The following CPLX2 variants were observed in gnomAD, a reference collection of about 807,000 sequenced individuals.
CPLX2 encodes complexin-2.
CPLX2 carries 5 observed loss-of-function variants against 16.3 expected under a neutral mutation model. The observed-to-expected ratio is 0.31, with a 90% CI of 0.16 to 0.64. The LOEUF (loss-of-function observed/expected upper bound fraction) is 0.64. Ranked by LOEUF, CPLX2 falls within the 30% of genes least tolerant of loss-of-function variation. The pLI is 0.79. For synonymous variants in CPLX2, 89 were observed against 73.2 expected (o/e 1.22, Z -1.10); for missense variants, 144 against 181.4 (o/e 0.79, Z 1.18).
At chr5:175,836,781 GC>G (rs889173252) in intron 2 of CPLX2, among the ~76,000 whole-genome samples, 1 of 152,228 alleles carries the variant, frequency 6.6e-6, no homozygotes, top group Non-Finnish European at 1.5e-5. Context: ...CTCAATCCAT[GC>G]CTCCCTTTAC....
rs1759115048 is a variant in CPLX2 at position 175,849,726 on chromosome 5, T to C, written c.-88-28926T>C. Among the ~76,000 whole-genome samples, 1 of 151,972 alleles carries C rather than the reference T, an allele frequency of 6.6e-6. No individual in the cohort carries two copies. Among genetic ancestry groups the C allele is most frequent in the African/African-American group, 2.4e-5 (1 of 41,372 alleles). On this transcript the variant is annotated intron_variant, in intron 2 of 4. Coordinates refer to the CPLX2 transcript ENST00000359546. This position sits in a 1 kb window ranked among gnomAD's most constrained non-coding sequence, Gnocchi z 4.4. ...GACTCACCTGAGCCTCTCGGTGTTA[T>C]AGCTCCCCTGCTGCGTGAGCTCCAA...
intron 2 of CPLX2, among the ~76,000 whole-genome samples, chr5:175,826,496 A>G (rs961788867): frequency 1.1e-4 from 16 of 152,216 alleles, no homozygotes; most frequent in African/African-American, 3.6e-4. Context: ...ATGAGAATCA[A>G]ACTGGAAGCA....
chr5:175,861,448 T>C (rs1167405604), intron 2 of CPLX2, among the ~76,000 whole-genome samples: 1 of 152,058 alleles, frequency 6.6e-6, no homozygotes, highest in African/African-American at 2.4e-5. Flanking sequence ...CCTAGTAGGT[T>C]TGGACCCGAT....
chr5:175,823,533 CACAA>C (rs1758551730), intron 2 of CPLX2, among the ~76,000 whole-genome samples: 1 of 152,190 alleles, frequency 6.6e-6, no homozygotes, highest in African/African-American at 2.4e-5. Flanking sequence ...TGCCTGTAAA[CACAA>C]ACAGAGCTGC....
intron 1 of CPLX2, among the ~76,000 whole-genome samples, chr5:175,799,554 A>ATT (rs1758052316): frequency 7.4e-6 from 1 of 135,206 alleles, no homozygotes. Context: ...ATATATATAT[A>ATT]TATATATATA....
chr5:175,834,119 G>A (rs1581082515), intron 2 of CPLX2, among the ~76,000 whole-genome samples: 1 of 152,236 alleles, frequency 6.6e-6, no homozygotes, highest in Non-Finnish European at 1.5e-5. Context: ...AGTCAGGAAG[G>A]CCTGCCTCTG....
rs1755623514 is a variant in CPLX2, at chr5:175,881,966, T to C, written c.*1921T>C. 1 of 152,628 alleles carries C rather than the reference T, an allele frequency of 6.6e-6. No individual in the cohort carries two copies. The highest frequency in any genetic ancestry group is 6.5e-5 in the Admixed American group (1 of 15,286). 9.5% of individuals were successfully genotyped at this position (152,628 alleles called of 1,614,324 possible). A position where few individuals can be genotyped will look rare whatever the true frequency, so the allele number is the denominator to read the frequency against. ...ATGTGTCTTCTCTGTCCGTTTCCAA[T>C]AGGTAAAGCCATATCAGTTAGACTG... On this transcript the variant is annotated 3_prime_UTR_variant, in exon 4 of 4. Transcript: ENST00000393745.
intron 1 of CPLX2, among the ~76,000 whole-genome samples, chr5:175,874,778 G>A (rs964472426): frequency 6.6e-6 from 1 of 152,148 alleles, no homozygotes; most frequent in African/African-American, 2.4e-5. Flanking sequence ...AATAGGGGTG[G>A]ACGAGATTCC....
intron 1 of CPLX2, among the ~76,000 whole-genome samples, chr5:175,800,324 C>A (rs1758069614): frequency 6.6e-6 from 1 of 152,062 alleles, no homozygotes; most frequent in Admixed American, 6.6e-5. Flanking sequence ...AAATTCAGAG[C>A]ACACGCAAAG....
At chr5:175,878,457 A>G (rs1351433470) in intron 1 of CPLX2, 195 bp from the exon 2 acceptor site, 1 of 537,796 alleles carries the variant, frequency 1.9e-6, no homozygotes, top group Non-Finnish European at 3.3e-6. Flanking sequence ...TCAAAAAGCT[A>G]TTTGGCAGCA....
rs1758704010 is a variant in CPLX2, at chr5:175,830,030, T to C, written c.-89+20962T>C. 6.6e-6 allele frequency among the ~76,000 whole-genome samples: 1 copy of C among 152,200 alleles called. No homozygotes were observed. Among genetic ancestry groups the C allele is most frequent in the African/African-American group, 2.4e-5 (1 of 41,452 alleles). On this transcript the variant is annotated intron_variant, in intron 2 of 4. Coordinates refer to the CPLX2 transcript ENST00000359546. The surrounding 1 kb of genome is among the most constrained non-coding windows in gnomAD (Gnocchi z 4.0). ...TTGGTGGAAGCCAGTCACAGGTCAC[T>C]GCCTAGCGGTCTCTCTCATCCACCA...
intron 2 of CPLX2, among the ~76,000 whole-genome samples, chr5:175,839,830 CAA>C (rs1758915162): frequency 6.6e-6 from 1 of 152,230 alleles, no homozygotes; most frequent in African/African-American, 2.4e-5. Context: ...TAACTTGACA[CAA>C]TGACACATTT....
rs550577871 is a variant in CPLX2 at position 175,817,800 on chromosome 5, C to G, written c.-89+8732C>G. 3.9e-5 allele frequency among the ~76,000 whole-genome samples: 6 copies of G among 152,232 alleles called. No homozygotes were observed. The South Asian group carries it at 1.2e-3, about 32-fold the overall frequency. On this transcript the variant is annotated intron_variant, in intron 2 of 4. Transcript: ENST00000359546. ...AGGGTGGAGGAATGTGTATCCATTT[C>G]TGGTTCACAAAAGGAAACAGAGAAA...
At chr5:175,875,222 G>C (rs763035903) in intron 1 of CPLX2, among the ~76,000 whole-genome samples, 5 of 152,154 alleles carry the variant, frequency 3.3e-5, no homozygotes, top group Non-Finnish European at 7.3e-5. Flanking sequence ...TAAGGGAAAC[G>C]CAGAATTTAG....
At chr5:175,864,500 G>A (rs542887543) in intron 2 of CPLX2, among the ~76,000 whole-genome samples, 16 of 152,276 alleles carry the variant, frequency 1.1e-4, no homozygotes, top group African/African-American at 2.4e-4. Context: ...GACTGTTTGC[G>A]GGCATCTGTC....
chr5:175,822,089 A>C (rs952838939), intron 2 of CPLX2, among the ~76,000 whole-genome samples: 7 of 152,184 alleles, frequency 4.6e-5, no homozygotes, highest in African/African-American at 1.7e-4. Context: ...GGGAATTTGA[A>C]TGTCATCTTT....
At position 175,829,181 on chromosome 5, in the gene CPLX2, C is replaced by T. The variant is rs184922490; in HGVS notation, c.-89+20113C>T. 7.8e-4 allele frequency among the ~76,000 whole-genome samples: 119 copies of T among 152,354 alleles called. 1 individual carries two copies. The highest frequency in any genetic ancestry group is 2.7e-3 in the African/African-American group (111 of 41,590). ...TTCCCACAGATCTCTCCATAGGCAG[C>T]CTTAAGGCTTTTTGCGTTTGATTTT... On this transcript the variant is annotated intron_variant, in intron 2 of 4. Transcript: ENST00000359546.
upstream of CPLX2, among the ~76,000 whole-genome samples, chr5:175,868,917 C>T (rs1385870585): frequency 6.6e-6 from 1 of 152,152 alleles, no homozygotes; most frequent in Non-Finnish European, 1.5e-5. Flanking sequence ...CCCTGGGCCT[C>T]AACTTTCCCA....
At position 175,830,323 on chromosome 5, in the gene CPLX2, T is replaced by G. The variant is rs1758711354; in HGVS notation, c.-89+21255T>G. ...AGGAAGAGATGATTAGCCCCATTTT[T>G]CAGCTGAAATCATTGATGCTCAGAC... On this transcript the variant is annotated intron_variant, in intron 2 of 4. Transcript: ENST00000359546. The surrounding 1 kb of genome is among the most constrained non-coding windows in gnomAD (Gnocchi z 4.0). Among the ~76,000 whole-genome samples, 1 of 152,164 alleles carries G rather than the reference T, an allele frequency of 6.6e-6. No homozygotes were observed. The highest frequency in any genetic ancestry group is 2.4e-5 in the African/African-American group (1 of 41,426).
Sources: allele counts gnomAD v4.1 joint callset (sites outside exome capture counted in the v4.1 genomes callset), GRCh38; gene constraint gnomAD v4.1.1; non-coding constraint Gnocchi (gnomAD v3.1); transcripts MANE v1.5; gene names NCBI Gene and HGNC (gene_info 2026-07-23, HGNC 2026-07-21).